EHD4: variants seen among roughly 807,000 people sequenced by gnomAD.
EHD4 encodes EH domain containing 4.
EHD4 carries 37 observed loss-of-function variants against 51.0 expected under a neutral mutation model. The observed-to-expected ratio is 0.73, with a 90% CI of 0.56 to 0.95. The LOEUF (loss-of-function observed/expected upper bound fraction) is 0.95. Ranked by LOEUF, EHD4 falls within the 40% of genes least tolerant of loss-of-function variation. EHD4 has a pLI of 0.00. For missense variants in EHD4, 632 were observed against 733.1 expected (o/e 0.86, Z 1.59); for synonymous variants, 297 against 317.3 (o/e 0.94, Z 0.68).
chr15:41,947,289 G>A (rs551402183), intron 2 of EHD4, among the ~76,000 whole-genome samples: 110 of 152,306 alleles, frequency 7.2e-4, no homozygotes, highest in Middle Eastern at 6.8e-3. Context: ...TGTGTGGTTT[G>A]CTCTCTACCT....
At chr15:41,921,988 T>C (rs1382987885) in intron 3 of EHD4, among the ~76,000 whole-genome samples, 1 of 152,226 alleles carries the variant, frequency 6.6e-6, no homozygotes, top group African/African-American at 2.4e-5. Flanking sequence ...CTAACTCTTT[T>C]CTAAGCCTAG....
intron 5 of EHD4, among the ~76,000 whole-genome samples, chr15:41,907,870 GTA>G (rs66791242): frequency 0.058 from 6,239 of 107,682 alleles, 259 homozygotes; most frequent in African/African-American, 0.096. Context: ...GTGTGTGTGT[GTA>G]TATATTTATT....
At chr15:41,972,104 C>G (rs1030387718) in intron 1 of EHD4, among the ~76,000 whole-genome samples, 155 bp downstream of exon 1, 1 of 151,722 alleles carries the variant, frequency 6.6e-6, no homozygotes, top group African/African-American at 2.4e-5. Context: ...GGCTGGCCAG[C>G]CGGGGCGGGG....
At chr15:41,952,728 A>G (rs1315544602) in intron 2 of EHD4, among the ~76,000 whole-genome samples, 1 of 152,074 alleles carries the variant, frequency 6.6e-6, no homozygotes, top group East Asian at 1.9e-4. Context: ...GGTGGCTCAC[A>G]TCTGTAATCC....
At chr15:41,906,333 T>TA (rs1567243485) in intron 5 of EHD4, among the ~76,000 whole-genome samples, 1 of 152,204 alleles carries the variant, frequency 6.6e-6, no homozygotes, top group East Asian at 1.9e-4. Flanking sequence ...CCTGTGCCTA[T>TA]AAAAACCCCA....
At position 41,897,043 on chromosome 15, in the gene EHD4, A is replaced by T. The variant is rs1343942750; in HGVS notation, c.*3602T>A. 1 of 152,214 alleles carries T rather than the reference A, an allele frequency of 6.6e-6. No homozygotes were observed. Among genetic ancestry groups the T allele is most frequent in the Non-Finnish European group, 1.5e-5 (1 of 68,040 alleles). 9.4% of individuals were successfully genotyped at this position (152,214 alleles called of 1,614,324 possible). On this transcript the variant is annotated 3_prime_UTR_variant, in exon 6 of 6. Transcript: ENST00000220325. ...GGCAGCTCCATGTTTATTGATCAGC[A>T]GACTATGTCTTTTTGTTTGAAACTT...
Position 41,935,505 on chromosome 15 carries a change from C to T in EHD4, c.511+7562G>A, listed in dbSNP as rs566947360. ...AGGGTAGTGTGTACTCTTTTCCAAG[C>T]AAAATTATCATCAAAAATTGCTAAA... On this transcript the variant is annotated intron_variant, in intron 3 of 5. Coordinates refer to ENST00000220325, the MANE Select transcript of EHD4 (RefSeq NM_139265.4). Among the ~76,000 whole-genome samples, 3 of 152,220 alleles carry T rather than the reference C, an allele frequency of 2.0e-5. No homozygotes were observed. In the East Asian group the frequency reaches 5.8e-4, roughly 29 times the overall value.
chr15:41,962,570 A>T lies in EHD4; in HGVS notation c.237-8630T>A, dbSNP rs2067931490. On this transcript the variant is annotated intron_variant, in intron 1 of 5. Coordinates refer to ENST00000220325, the MANE Select transcript of EHD4 (RefSeq NM_139265.4). The stretch of plus-strand genomic sequence containing the variant: ...AAAAAAAAAAACCCACAACAATATA[A>T]TTGAGACAGATTTTACTTCCAGGTG... 2.6e-5 allele frequency among the ~76,000 whole-genome samples: 4 copies of T among 151,252 alleles called. No individual in the cohort carries two copies. In the South Asian group the frequency reaches 8.3e-4, roughly 31 times the overall value.
intron 3 of EHD4, among the ~76,000 whole-genome samples, chr15:41,936,594 G>C (rs2067733241): frequency 6.6e-6 from 1 of 152,180 alleles, no homozygotes. Flanking sequence ...AGTAAGTGAA[G>C]TGTCCTTCTC....
chr15:41,909,240 G>A (rs776872201), intron 5 of EHD4, among the ~76,000 whole-genome samples: 3 of 152,222 alleles, frequency 2.0e-5, no homozygotes, highest in Admixed American at 6.5e-5. Context: ...AGCAGCGTCC[G>A]CAGAGCCCCA....
chr15:41,940,083 G>T (rs1240068262), intron 3 of EHD4, among the ~76,000 whole-genome samples: 1 of 152,098 alleles, frequency 6.6e-6, no homozygotes, highest in Non-Finnish European at 1.5e-5. Context: ...CCTCCCAAAG[G>T]GCTGGGATTA....
At chr15:41,904,274 A>G (rs1399144876) in intron 5 of EHD4, among the ~76,000 whole-genome samples, 1 of 152,162 alleles carries the variant, frequency 6.6e-6, no homozygotes, top group Non-Finnish European at 1.5e-5. Context: ...GAGTGGCCGC[A>G]TATTTGCAGG....
At chr15:41,932,805 T>C (rs1242183162) in intron 3 of EHD4, among the ~76,000 whole-genome samples, 1 of 152,106 alleles carries the variant, frequency 6.6e-6, no homozygotes, top group Admixed American at 6.5e-5. Context: ...GCCCCTGCTT[T>C]GGATCTCTGG....
chr15:41,912,102 G>C (rs2067554032), intron 4 of EHD4, among the ~76,000 whole-genome samples: 1 of 152,206 alleles, frequency 6.6e-6, no homozygotes, highest in Non-Finnish European at 1.5e-5. Context: ...GCTGATGACC[G>C]AGGTGGCCCC....
At chr15:41,953,983 AAAGT>A (rs764862007) in intron 1 of EHD4, 43 bp from the exon 2 acceptor site, 9 of 1,596,066 alleles carry the variant, frequency 5.6e-6, no homozygotes, top group African/African-American at 4.1e-5. Context: ...ATCTTATCAC[AAAGT>A]AAGAGGCCAG....
chr15:41,902,403 C>G (rs1330572986), intron 5 of EHD4, among the ~76,000 whole-genome samples: 1 of 152,190 alleles, frequency 6.6e-6, no homozygotes, highest in African/African-American at 2.4e-5. Flanking sequence ...ACCCGACCAA[C>G]TTTTATTTGT....
At chr15:41,942,892 G>A in intron 3 of EHD4, 175 bp downstream of exon 3, 1 of 573,922 alleles carries the variant, frequency 1.7e-6, no homozygotes, top group African/African-American at 1.9e-5. Context: ...ATAAGCCTCT[G>A]GAGGGGGCAG....
At chr15:41,948,606 G>T (rs1400452346) in intron 2 of EHD4, among the ~76,000 whole-genome samples, 2 of 152,166 alleles carry the variant, frequency 1.3e-5, no homozygotes, top group Non-Finnish European at 2.9e-5. Context: ...GTCATTCTTG[G>T]CAAAAGCCTG....
chr15:41,947,452 T>C (rs1457533078), intron 2 of EHD4, among the ~76,000 whole-genome samples: 1 of 152,226 alleles, frequency 6.6e-6, no homozygotes, highest in African/African-American at 2.4e-5. Flanking sequence ...AGGTTTGCCA[T>C]TAGGTTCAAA....
Sources: allele counts gnomAD v4.1 joint callset (sites outside exome capture counted in the v4.1 genomes callset), GRCh38; gene constraint gnomAD v4.1.1; transcripts MANE v1.5; gene names NCBI Gene and HGNC (gene_info 2026-07-23, HGNC 2026-07-21).